Variants in KLHL29 observed in about 807,000 individuals in gnomAD.
The protein encoded by KLHL29 is kelch-like protein 29.
KLHL29 carries 21 observed loss-of-function variants against 80.4 expected under a neutral mutation model. The observed-to-expected ratio is 0.26, with a 90% CI of 0.19 to 0.38. The LOEUF (loss-of-function observed/expected upper bound fraction) is 0.38, where lower values mean the gene tolerates loss of function less well. Among genes scored for constraint, KLHL29 ranks in the 10% least tolerant of loss-of-function variants. The probability of loss-of-function intolerance (pLI) is 1.00; values close to 1 mark genes in which losing one functional copy is unlikely to be tolerated. For synonymous variants in KLHL29, 511 were observed against 526.8 expected (o/e 0.97, Z 0.41); for missense variants, 867 against 1,223.9 (o/e 0.71, Z 4.35).
In KLHL29 at chr2:23,628,298, T is replaced by A. The variant is rs552934085; in HGVS notation, c.286-10841T>A. ...AGATAATGGAGACTCAGTCTTGGGG[T>A]TTTTTCTGGCTCTGGGGGTTCCTGC... is the stretch of plus-strand genomic sequence containing the variant. On this transcript the variant is annotated intron_variant, in intron 3 of 13. Coordinates refer to ENST00000486442, the MANE Select transcript of KLHL29 (RefSeq NM_052920.2). 1.2e-3 allele frequency among the ~76,000 whole-genome samples: 186 copies of A among 150,956 alleles called. 1 individual carries two copies. Among genetic ancestry groups the A allele is most frequent in the African/African-American group, 3.9e-3 (160 of 40,976 alleles).
chr2:23,649,840 C>T (rs948469650), intron 5 of KLHL29, among the ~76,000 whole-genome samples: 4 of 152,244 alleles, frequency 2.6e-5, no homozygotes, highest in African/African-American at 9.6e-5. Flanking sequence ...CAGCCGCTGT[C>T]TTCCTTCAGG....
chr2:23,483,694 A>G (rs1444669717), intron 2 of KLHL29, among the ~76,000 whole-genome samples: 4 of 152,130 alleles, frequency 2.6e-5, no homozygotes, highest in Non-Finnish European at 5.9e-5. Context: ...GAGGGACTCT[A>G]GGAGGTAGAC....
chr2:23,654,622 G>C (rs944461902), intron 5 of KLHL29, among the ~76,000 whole-genome samples: 10 of 149,726 alleles, frequency 6.7e-5, no homozygotes, highest in Non-Finnish European at 1.3e-4. Context: ...GGCTGGGGTC[G>C]GGAGTGCCAT....
chr2:23,540,525 A>G (rs575869210), intron 2 of KLHL29, among the ~76,000 whole-genome samples: 59 of 152,288 alleles, frequency 3.9e-4, no homozygotes, highest in African/African-American at 1.4e-3. Context: ...AAAGAGTCAC[A>G]TAGACACATC....
chr2:23,573,761 G>C (rs185757532), intron 3 of KLHL29, among the ~76,000 whole-genome samples: 3 of 152,178 alleles, frequency 2.0e-5, no homozygotes, highest in African/African-American at 7.2e-5. Flanking sequence ...AGCCAGGTGG[G>C]GTGGTACAGA....
chr2:23,701,124 T>A (rs905075800), intron 11 of KLHL29, among the ~76,000 whole-genome samples: 1 of 152,102 alleles, frequency 6.6e-6, no homozygotes. Context: ...TCCCTCAACC[T>A]TCCCATCCCA....
At chr2:23,686,393 C>T (rs1671261106) in intron 6 of KLHL29, among the ~76,000 whole-genome samples, 1 of 152,104 alleles carries the variant, frequency 6.6e-6, no homozygotes, top group East Asian at 1.9e-4. Flanking sequence ...CTGACTCCGC[C>T]GCTTGTCTTG....
intron 2 of KLHL29, among the ~76,000 whole-genome samples, chr2:23,550,682 G>A (rs1302764505): frequency 1.3e-5 from 2 of 152,182 alleles, no homozygotes; most frequent in Non-Finnish European, 2.9e-5. Context: ...ATAGACTCTT[G>A]TCTAGAAGAA....
chr2:23,705,310 G>T (rs1184917802), intron 13 of KLHL29, among the ~76,000 whole-genome samples: 2 of 152,174 alleles, frequency 1.3e-5, no homozygotes, highest in African/African-American at 4.8e-5. Context: ...GACCAACATG[G>T]TGAAACCCCG....
At chr2:23,667,788 C>T (rs2149173633) in intron 5 of KLHL29, 1 of 152,610 alleles carries the variant, frequency 6.6e-6, no homozygotes, top group East Asian at 1.9e-4. Flanking sequence ...GTCATTTCTC[C>T]TTCGAGGTGA....
chr2:23,424,700 C>T (rs1419751022), intron 1 of KLHL29, among the ~76,000 whole-genome samples: 1 of 152,108 alleles, frequency 6.6e-6, no homozygotes, highest in African/African-American at 2.4e-5. Flanking sequence ...GCAGATAATA[C>T]AGAGATAATT....
intron 5 of KLHL29, among the ~76,000 whole-genome samples, chr2:23,652,779 G>A (rs550454844): frequency 1.3e-5 from 2 of 152,272 alleles, no homozygotes; most frequent in African/African-American, 4.8e-5. Context: ...TCCAAATGAA[G>A]CGAAAAGAGA....
rs1666841820 is a variant in KLHL29 at position 23,410,719 on chromosome 2, C to A, written c.-154+24939C>A. ...TCTGACTTCCAAAGACAGTACTTCC[C>A]AGGTGTGGAGGAGGGCATTGCATTT... On this transcript the variant is annotated intron_variant, in intron 1 of 13. Coordinates refer to ENST00000486442, the MANE Select transcript of KLHL29 (RefSeq NM_052920.2). Among the ~76,000 whole-genome samples, 3 of 152,196 alleles carry A rather than the reference C, an allele frequency of 2.0e-5. No homozygotes were observed. The Middle Eastern group carries it at 0.01, about 518-fold the overall frequency.
intron 2 of KLHL29, among the ~76,000 whole-genome samples, chr2:23,530,173 T>A (rs544469200): frequency 5.9e-5 from 9 of 152,346 alleles, no homozygotes; most frequent in African/African-American, 2.2e-4. Context: ...TACTGTGGCG[T>A]AGAGCCCTCT....
intron 1 of KLHL29, among the ~76,000 whole-genome samples, chr2:23,439,615 G>A (rs1663451929): frequency 1.3e-5 from 2 of 152,322 alleles, no homozygotes; most frequent in Admixed American, 6.5e-5. Context: ...ATGTAGTTGA[G>A]CAGTCTCGAG....
At chr2:23,489,765 C>T (rs1004564229) in intron 2 of KLHL29, among the ~76,000 whole-genome samples, 15 of 151,826 alleles carry the variant, frequency 9.9e-5, no homozygotes, top group African/African-American at 3.4e-4. Context: ...GGATCAGCAC[C>T]TCACAGTGAA....
intron 2 of KLHL29, among the ~76,000 whole-genome samples, chr2:23,528,681 G>A (rs1666401412): frequency 1.3e-5 from 2 of 152,284 alleles, no homozygotes; most frequent in South Asian, 2.1e-4. Context: ...ATAATGTCAC[G>A]CTGTTAACCC....
At chr2:23,527,990 G>T (rs776561718) in intron 2 of KLHL29, among the ~76,000 whole-genome samples, 2 of 152,216 alleles carry the variant, frequency 1.3e-5, no homozygotes, top group Non-Finnish European at 2.9e-5. Context: ...TCTAAAATGG[G>T]AGTTAATGGC....
intron 3 of KLHL29, among the ~76,000 whole-genome samples, chr2:23,609,915 C>A (rs574936391): frequency 3.9e-5 from 6 of 152,184 alleles, no homozygotes; most frequent in African/African-American, 1.4e-4. Flanking sequence ...CCTGACCCCC[C>A]ACTTCTTTCC....
Sources: allele counts gnomAD v4.1 joint callset (sites outside exome capture counted in the v4.1 genomes callset), GRCh38; gene constraint gnomAD v4.1.1; transcripts MANE v1.5; gene names NCBI Gene and HGNC (gene_info 2026-07-23, HGNC 2026-07-21).